Variants in NT5C3A observed in about 807,000 individuals in gnomAD.
NT5C3A encodes the protein 5'-nucleotidase, cytosolic IIIA.
Under a neutral mutation model 40.0 loss-of-function variants are expected in NT5C3A, and 23 were observed. The observed-to-expected ratio is 0.58, with a 90% CI of 0.41 to 0.81. The LOEUF is 0.81. Among genes scored for constraint, NT5C3A ranks in the 40% least tolerant of loss-of-function variants. NT5C3A has a pLI of 0.00. For missense variants in NT5C3A, 328 were observed against 403.0 expected (o/e 0.81, Z 1.59); for synonymous variants, 130 against 141.4 (o/e 0.92, Z 0.57).
At chr7:33,052,927 C>CT (rs1167424267) in intron 1 of NT5C3A, among the ~76,000 whole-genome samples, 1 of 152,182 alleles carries the variant, frequency 6.6e-6, no homozygotes, top group African/African-American at 2.4e-5. Flanking sequence ...TGGGACCACT[C>CT]TTTGAGTACC....
At chr7:33,053,859 G>C (rs1787467515) in intron 1 of NT5C3A, among the ~76,000 whole-genome samples, 1 of 152,078 alleles carries the variant, frequency 6.6e-6, no homozygotes, top group Non-Finnish European at 1.5e-5. Context: ...GCTGTTTCTA[G>C]CTAATATACA....
intron 1 of NT5C3A, among the ~76,000 whole-genome samples, chr7:33,051,304 C>G (rs1364912273): frequency 6.6e-6 from 1 of 152,040 alleles, no homozygotes; most frequent in Non-Finnish European, 1.5e-5. Context: ...GCAGGGATTA[C>G]AGGCATCTGC....
chr7:33,029,355 T>C, intron 1 of NT5C3A: 1 of 306,908 alleles, frequency 3.3e-6, no homozygotes, highest in South Asian at 2.9e-5. Context: ...ATGAGTAGTA[T>C]TTACTCTGCT....
intron 1 of NT5C3A, chr7:33,036,036 C>G: frequency 7.1e-7 from 1 of 1,418,192 alleles, no homozygotes; most frequent in East Asian, 2.3e-5. Context: ...AAAAAAAGTA[C>G]ACGTGACATA....
At chr7:33,035,197 T>TG (rs1299987373) in intron 1 of NT5C3A, among the ~76,000 whole-genome samples, 2 of 146,484 alleles carry the variant, frequency 1.4e-5, no homozygotes, top group Non-Finnish European at 1.5e-5. Context: ...GAGTTTTTTT[T>TG]TTTTTTTTTT....
rs193095745 is a variant in NT5C3A at position 33,034,081 on chromosome 7, C to T, written c.139-7166G>A. Among the ~76,000 whole-genome samples the T allele has an allele frequency of 9.9e-5, 15 of 151,604 alleles. No homozygotes were observed. The East Asian group carries it at 2.7e-3, about 28-fold the overall frequency. ...AATTTTTTTGTATTTTTAGTAGGGA[C>T]GGGGTTTCACCATGTTAGCCAGGAT... On this transcript the variant is annotated intron_variant, in intron 1 of 8. Coordinates refer to ENST00000610140, the MANE Select transcript of NT5C3A (RefSeq NM_001002010.5).
At chr7:33,053,387 C>G (rs1787447893) in intron 1 of NT5C3A, among the ~76,000 whole-genome samples, 2 of 152,100 alleles carry the variant, frequency 1.3e-5, no homozygotes. Flanking sequence ...AGGGTTTCAC[C>G]ATGTTGGCCA....
At chr7:33,033,542 G>A (rs1008062328) in intron 1 of NT5C3A, among the ~76,000 whole-genome samples, 1 of 151,954 alleles carries the variant, frequency 6.6e-6, no homozygotes, top group Admixed American at 6.6e-5. Context: ...TCTCTAATGT[G>A]GATTAAAAAA....
chr7:33,035,195 T>TG (rs1019232128), intron 1 of NT5C3A, among the ~76,000 whole-genome samples: 4 of 145,814 alleles, frequency 2.7e-5, no homozygotes, highest in Admixed American at 1.4e-4. Context: ...ATGAGTTTTT[T>TG]TTTTTTTTTT....
intron 1 of NT5C3A, among the ~76,000 whole-genome samples, chr7:33,028,972 G>A (rs749168648): frequency 1.3e-4 from 19 of 151,384 alleles, no homozygotes; most frequent in Admixed American, 7.2e-4. Context: ...GGAGAATGGC[G>A]TAAACCCGGG....
intron 1 of NT5C3A, among the ~76,000 whole-genome samples, chr7:33,034,630 G>A (rs576400389): frequency 3.0e-4 from 46 of 152,252 alleles, no homozygotes; most frequent in Non-Finnish European, 4.3e-4. Context: ...AATTTCATAC[G>A]CTTCAACCTA....
At chr7:33,023,846 C>T (rs2127997472) in intron 3 of NT5C3A, 193 bp downstream of exon 3, 1 of 571,182 alleles carries the variant, frequency 1.8e-6, no homozygotes, top group Middle Eastern at 4.7e-4. Context: ...GCTACCAAAA[C>T]CATACATGAA....
chr7:33,061,036 T>C (rs747789646), intron 1 of NT5C3A, among the ~76,000 whole-genome samples: 1 of 152,210 alleles, frequency 6.6e-6, no homozygotes, highest in Non-Finnish European at 1.5e-5. Flanking sequence ...TAGCAAACTG[T>C]TCCTATGATG....
At chr7:33,052,062 T>C (rs1296657196) in intron 1 of NT5C3A, among the ~76,000 whole-genome samples, 2 of 141,800 alleles carry the variant, frequency 1.4e-5, no homozygotes, top group East Asian at 4.0e-4. Context: ...CTAAAGTTTT[T>C]GTTTTGTTTT....
chr7:33,046,828 G>A (rs1486311234), intron 1 of NT5C3A, among the ~76,000 whole-genome samples: 1 of 150,590 alleles, frequency 6.6e-6, no homozygotes, highest in Non-Finnish European at 1.5e-5. Context: ...TTTGGAGATG[G>A]AGTCTCATTC....
rs1321390648 is a variant in NT5C3A at position 33,017,486 on chromosome 7, G to T, written c.646C>A (p.His216Asn). The change falls in exon 7 of 9, where the codon CAT (histidine) becomes AAT (asparagine). Residue 216 changes from histidine to asparagine, a missense_variant. Coordinates refer to ENST00000610140, the MANE Select transcript of NT5C3A (RefSeq NM_001002010.5). ...TTGGACACAACTTTGACATTGGGAT[G>T]ATAAACACCAGCTTGACGAATAACT... Reference protein sequence around the residue: ...EEVIRQAGVYHPNVKVVSNFM... With the variant: ...EEVIRQAGVYNPNVKVVSNFM... The T allele has an allele frequency of 6.2e-7, 1 of 1,613,508 alleles. No individual in the cohort carries two copies.
chr7:33,039,173 G>C (rs1340702383), intron 1 of NT5C3A, among the ~76,000 whole-genome samples: 1 of 152,040 alleles, frequency 6.6e-6, no homozygotes, highest in South Asian at 2.1e-4. Flanking sequence ...TCATTCTGAT[G>C]ATAGTTTACA....
intron 1 of NT5C3A, among the ~76,000 whole-genome samples, chr7:33,027,676 C>T (rs1469148881): frequency 2.0e-5 from 3 of 152,034 alleles, no homozygotes; most frequent in Non-Finnish European, 4.4e-5. Context: ...CCAGAGAGCC[C>T]AGAAATCATA....
chr7:33,024,322 C>G (rs959119594), intron 2 of NT5C3A, among the ~76,000 whole-genome samples: 8 of 152,180 alleles, frequency 5.3e-5, no homozygotes, highest in Non-Finnish European at 1.0e-4. Context: ...AAGGTGCTAC[C>G]TTGAGTGCCC....
Sources: allele counts gnomAD v4.1 joint callset (sites outside exome capture counted in the v4.1 genomes callset), GRCh38; gene constraint gnomAD v4.1.1; transcripts MANE v1.5; gene names NCBI Gene and HGNC (gene_info 2026-07-23, HGNC 2026-07-21).